Variants in CPSF7 observed in about 807,000 individuals in gnomAD.
The protein encoded by CPSF7 is cleavage and polyadenylation specificity factor subunit 7.
In CPSF7, 1 loss-of-function variant was observed where a neutral mutation model predicts 44.3. The observed-to-expected ratio is 0.02, with a 90% CI of 0.01 to 0.11. The LOEUF is 0.11. Ranked by LOEUF, CPSF7 falls within the 10% of genes least tolerant of loss-of-function variation. The pLI, the probability that CPSF7 is intolerant of heterozygous loss-of-function variation, is 1.00. For missense variants in CPSF7, 443 were observed against 607.2 expected, an observed-to-expected ratio of 0.73 and a Z score of 2.84; for synonymous variants, 202 against 222.0, an observed-to-expected ratio of 0.91 and a Z score of 0.80.
intron 4 of CPSF7, 43 bp from the exon 5 acceptor site, chr11:61,420,137 C>A (rs1487511828): frequency 6.7e-7 from 1 of 1,485,556 alleles, no homozygotes; most frequent in African/African-American, 1.4e-5. Context: ...CTGTAGACAG[C>A]CAAGAGAAGA....
intron 7 of CPSF7, among the ~76,000 whole-genome samples, chr11:61,414,733 T>A (rs1450398601): frequency 1.3e-5 from 2 of 152,222 alleles, no homozygotes; most frequent in Non-Finnish European, 2.9e-5. Flanking sequence ...AAACTTCCTG[T>A]AGCCTCTTCT....
Position 61,420,580 on chromosome 11 carries a change from C to A in CPSF7, c.274-7G>T, listed in dbSNP as rs751075211. On this transcript the variant is annotated splice_region_variant and splice_polypyrimidine_tract_variant and intron_variant, in intron 3 of 9. Transcript: ENST00000439958. ...GCTGCTGGTCTGTGGTCCACTGGGG[C>A]CGGCAAGATGGAAAAGGAAGAGATG... 1.9e-6 allele frequency: 3 copies of A among 1,610,264 alleles called. No individual in the cohort carries two copies. Among genetic ancestry groups the A allele is most frequent in the Non-Finnish European group, 1.7e-6 (2 of 1,176,624 alleles).
intron 2 of CPSF7, among the ~76,000 whole-genome samples, chr11:61,428,078 G>C (rs1183186685): frequency 6.6e-6 from 1 of 152,208 alleles, no homozygotes. Context: ...AAATAACCCA[G>C]GCAAGATATT....
At chr11:61,411,126 C>A in intron 8 of CPSF7, 21 bp from the exon 9 acceptor site, 5 of 1,591,698 alleles carry the variant, frequency 3.1e-6, no homozygotes, top group Non-Finnish European at 3.4e-6. Context: ...GATCCTTCAG[C>A]CTCACTCAGA....
At position 61,416,480 on chromosome 11, in the gene CPSF7, G is replaced by C. The variant is rs1025756452; in HGVS notation, c.563C>G (p.Ser188Cys). 1 of 1,614,016 alleles carries C rather than the reference G, an allele frequency of 6.2e-7. No homozygotes were observed. The highest frequency in any genetic ancestry group is 8.5e-7 in the Non-Finnish European group (1 of 1,180,016). Reference protein sequence around the residue: ...PRAHSRDSSDSADGRATPSEN... With the variant: ...PRAHSRDSSDCADGRATPSEN... ...AGAGGGTGTGGCCCGTCCATCAGCA[G>C]AATCACTAGAATCTCGGGAATGGGC... is the stretch of plus-strand genomic sequence containing the variant. Residue 188 changes from serine to cysteine, a missense_variant, in exon 6 of 10, where the codon TCT becomes TGT. Ser to Cys is a moderately radical substitution (Grantham distance 112). Transcript: ENST00000439958.
intron 9 of CPSF7, among the ~76,000 whole-genome samples, chr11:61,407,974 C>T (rs1035971172): frequency 2.0e-5 from 3 of 151,944 alleles, no homozygotes; most frequent in African/African-American, 7.3e-5. Flanking sequence ...CCAAAGACAC[C>T]AAAAAGAACT....
chr11:61,409,383 AT>A (rs1449876328), intron 9 of CPSF7, among the ~76,000 whole-genome samples: 1 of 151,454 alleles, frequency 6.6e-6, no homozygotes, highest in Non-Finnish European at 1.5e-5. Context: ...GAGGCAGAGA[AT>A]TGCTTGAACC....
intron 9 of CPSF7, among the ~76,000 whole-genome samples, chr11:61,405,231 T>G (rs1859199045): frequency 6.6e-6 from 1 of 152,120 alleles, no homozygotes; most frequent in Non-Finnish European, 1.5e-5. Context: ...GCAGGCAGGA[T>G]GCACATACAC....
chr11:61,428,125 G>A (rs1455866159), intron 2 of CPSF7, among the ~76,000 whole-genome samples: 1 of 152,236 alleles, frequency 6.6e-6, no homozygotes, highest in Non-Finnish European at 1.5e-5. Context: ...ACATTCTTGA[G>A]AATTGACCTC....
chr11:61,429,533 T>G lies in CPSF7; in HGVS notation c.-55-243A>C, dbSNP rs767839310. On this transcript the variant is annotated intron_variant, in intron 1 of 9. Coordinates refer to ENST00000439958, the MANE Select transcript of CPSF7 (RefSeq NM_001142565.3). The stretch of plus-strand genomic sequence containing the variant: ...GCCGCGTCTGCGCCGCAGCTGCCTA[T>G]GGCGCGACGGAAAAGTCCCACCCTC... The G allele has an allele frequency of 2.1e-5, 12 of 561,940 alleles. No individual in the cohort carries two copies. The East Asian group carries it at 3.7e-4, about 18-fold the overall frequency. The allele number at this position is 561,940 out of a possible 1,614,324, so 34.8% of individuals were successfully genotyped here. A position where few individuals can be genotyped will look rare whatever the true frequency, so the allele number is the denominator to read the frequency against.
At chr11:61,420,817 G>A (rs948840039) in intron 3 of CPSF7, 18 of 553,290 alleles carry the variant, frequency 3.3e-5, no homozygotes, top group African/African-American at 2.7e-4. Flanking sequence ...TTTGACTGCC[G>A]TTTGGGCTGG....
intron 1 of CPSF7, 174 bp from the exon 2 acceptor site, chr11:61,429,464 G>A: frequency 2.0e-6 from 1 of 493,716 alleles, no homozygotes; most frequent in Non-Finnish European, 3.5e-6. Context: ...CTCCCAGGCC[G>A]CCGGGGGTCG....
chr11:61,427,376 G>A (rs984726937), intron 2 of CPSF7: 2 of 151,648 alleles, frequency 1.3e-5, no homozygotes, highest in African/African-American at 4.8e-5. Flanking sequence ...AAATTTTTTC[G>A]CCATGCACGG....
At chr11:61,420,338 G>A in intron 4 of CPSF7, 132 bp downstream of exon 4, 2 of 822,040 alleles carry the variant, frequency 2.4e-6, no homozygotes, top group South Asian at 1.7e-5. Flanking sequence ...CCTTTCTAAG[G>A]CAGTTTGCCA....
intron 5 of CPSF7, among the ~76,000 whole-genome samples, chr11:61,419,655 A>T (rs1860674923): frequency 6.6e-6 from 1 of 152,216 alleles, no homozygotes; most frequent in Non-Finnish European, 1.5e-5. Flanking sequence ...ACTAGTCCAG[A>T]TGGGGAAACA....
In CPSF7 at chr11:61,416,517, T is replaced by A; in HGVS notation, c.526A>T (p.Ile176Leu). The stretch of plus-strand genomic sequence containing the variant: ...TCTCGGGAATGGGCCCGTGGAGGTA[T>A]TCCTATGAAGCAAAACAGAACTGAT... ...SQFEAQARKR[I>L]PPRAHSRDSS... Residue 176 changes from isoleucine (I) to leucine (L), a missense_variant and splice_region_variant, in exon 6 of 10, where the codon ATA (isoleucine) becomes TTA (leucine). By Grantham distance (5) the Ile-to-Leu change is conservative. Coordinates refer to ENST00000439958, the MANE Select transcript of CPSF7 (RefSeq NM_001142565.3). 6.2e-7 allele frequency: 1 copy of A among 1,614,040 alleles called. No individual in the cohort carries two copies. Among genetic ancestry groups the A allele is most frequent in the Non-Finnish European group, 8.5e-7 (1 of 1,179,960 alleles).
At chr11:61,421,967 C>T (rs988877882) in intron 2 of CPSF7, among the ~76,000 whole-genome samples, 2 of 152,106 alleles carry the variant, frequency 1.3e-5, no homozygotes, top group African/African-American at 4.8e-5. Flanking sequence ...CTAAGATAAG[C>T]TAATGAAAAC....
At chr11:61,423,677 T>A (rs1273627720) in intron 2 of CPSF7, among the ~76,000 whole-genome samples, 6 of 152,100 alleles carry the variant, frequency 3.9e-5, no homozygotes. Context: ...ACTTGTCTAG[T>A]ACCCTGAAGA....
At position 61,410,930 on chromosome 11, in the gene CPSF7, C is replaced by A. The variant is rs779045047; in HGVS notation, c.*5+8G>T. 1.1e-5 allele frequency: 18 copies of A among 1,581,360 alleles called. No homozygotes were observed. The highest frequency in any genetic ancestry group is 1.5e-5 in the Non-Finnish European group (17 of 1,167,240). Reference sequence around the variant, plus strand: ...CCCCCAGCAGCCAGGAACGGGGCTTCTCCCCACCTTTCTCAGTGGTGCCGG... The same window carrying A: ...CCCCCAGCAGCCAGGAACGGGGCTTATCCCCACCTTTCTCAGTGGTGCCGG... On this transcript the variant is annotated splice_region_variant and intron_variant, in intron 9 of 9. Coordinates refer to ENST00000439958, the MANE Select transcript of CPSF7 (RefSeq NM_001142565.3).
Sources: gnomAD v4.1 joint callset for allele counts (sites outside exome capture counted in the v4.1 genomes callset) on GRCh38, gnomAD v4.1.1 for gene constraint, MANE v1.5 for transcripts, NCBI Gene and HGNC (gene_info 2026-07-23, HGNC 2026-07-21) for gene names.